The following FGD5 variants were observed in gnomAD, a reference collection of about 807,000 sequenced individuals.
The protein encoded by FGD5 is FYVE, RhoGEF and PH domain-containing protein 5.
A neutral mutation model predicts 133.4 loss-of-function variants in FGD5; 28 were observed. That is an observed-to-expected ratio of 0.21 (90% CI 0.16 to 0.29). The LOEUF (loss-of-function observed/expected upper bound fraction) is 0.29, where lower values mean the gene tolerates loss of function less well. FGD5 is among the 10% of genes least tolerant of loss of function. FGD5 has a pLI of 1.00. For missense variants in FGD5, 1,858 were observed against 1,895.2 expected (o/e 0.98, Z 0.36); for synonymous variants, 810 against 776.5 (o/e 1.04, Z -0.72).
chr3:14,900,613 C>T lies in FGD5; in HGVS notation c.3205+160C>T, dbSNP rs148701091. On this transcript the variant is annotated intron_variant, in intron 8 of 19. Coordinates refer to ENST00000285046, the MANE Select transcript of FGD5 (RefSeq NM_152536.4). Reference sequence around the variant, plus strand: ...CACATCTTGGACTTCTGTGAGAGCCCACAGCTCTTCTGAGATGGGTCCCCT... The same window carrying T: ...CACATCTTGGACTTCTGTGAGAGCCTACAGCTCTTCTGAGATGGGTCCCCT... 2.5e-3 allele frequency among the ~76,000 whole-genome samples: 384 copies of T among 152,230 alleles called. 1 individual carries two copies. The highest frequency in any genetic ancestry group is 8.8e-3 in the African/African-American group (367 of 41,534).
At chr3:14,897,835 G>C in intron 5 of FGD5, 104 bp from the exon 6 acceptor site, 1 of 1,508,106 alleles carries the variant, frequency 6.6e-7, no homozygotes, top group African/African-American at 1.4e-5. Context: ...CAAGGGTTGA[G>C]CTGGGATCTG....
intron 2 of FGD5, 136 bp downstream of exon 2, chr3:14,864,396 GAC>G: frequency 7.3e-7 from 1 of 1,378,112 alleles, no homozygotes; most frequent in South Asian, 1.3e-5. Flanking sequence ...CAGGGGCTGA[GAC>G]ACGCAGCATC....
In FGD5 at chr3:14,926,135, G is replaced by A. The variant is rs756085290; in HGVS notation, c.4134G>A (p.Arg1378=). 2.5e-6 allele frequency: 4 copies of A among 1,613,814 alleles called. No homozygotes were observed. The highest frequency in any genetic ancestry group is 3.4e-6 in the Non-Finnish European group (4 of 1,179,864). Residue 1378 remains arginine, a synonymous_variant, in exon 18 of 20, where the codon CGG becomes CGA. Coordinates refer to ENST00000285046, the MANE Select transcript of FGD5 (RefSeq NM_152536.4). ...TCAGCCGGTGTAAGAGGGGCAAGCG[G>A]CACTGGAAGAAGCTCTGGTTTGTCA... ...GYLSRCKRGK[R]HWKKLWFVIK...
intron 7 of FGD5, 134 bp from the exon 8 acceptor site, chr3:14,900,269 T>G: frequency 1.2e-6 from 1 of 827,610 alleles, no homozygotes; most frequent in Non-Finnish European, 2.0e-6. Context: ...TGTGGTATTG[T>G]GATGGGGCCA....
chr3:14,810,936 A>T, intron 1 of FGD5: 16 of 981,628 alleles, frequency 1.6e-5, no homozygotes, highest in Non-Finnish European at 1.9e-5. Flanking sequence ...TCCAAGTTGG[A>T]GCTCCCGGGG....
intron 2 of FGD5, among the ~76,000 whole-genome samples, chr3:14,876,065 G>A (rs1185984146): frequency 6.6e-6 from 1 of 152,152 alleles, no homozygotes; most frequent in Non-Finnish European, 1.5e-5. Flanking sequence ...ACGCAGAGAG[G>A]GGAGGCGACG....
chr3:14,835,544 C>T (rs2036801980), intron 1 of FGD5, among the ~76,000 whole-genome samples: 1 of 151,920 alleles, frequency 6.6e-6, no homozygotes, highest in Non-Finnish European at 1.5e-5. Flanking sequence ...CACTACAAAA[C>T]CCAGAAAGCT....
At chr3:14,822,234 CGT>C (rs561480134) in intron 1 of FGD5, among the ~76,000 whole-genome samples, 153 of 152,266 alleles carry the variant, frequency 1.0e-3, no homozygotes, top group African/African-American at 3.7e-3. Flanking sequence ...AGACAGTTCT[CGT>C]TATCTCCTAG....
chr3:14,930,128 G>C (rs564213604), intron 18 of FGD5, among the ~76,000 whole-genome samples: 1 of 152,258 alleles, frequency 6.6e-6, no homozygotes, highest in South Asian at 2.1e-4. Context: ...GATTGCTTCA[G>C]TGTCTTTGTT....
chr3:14,866,027 C>T (rs559820098), intron 2 of FGD5, among the ~76,000 whole-genome samples: 28 of 152,254 alleles, frequency 1.8e-4, no homozygotes, highest in African/African-American at 6.0e-4. Flanking sequence ...GGGTACTGGC[C>T]GCGAGAACGT....
At chr3:14,928,405 T>A (rs2038850222) in intron 18 of FGD5, among the ~76,000 whole-genome samples, 1 of 152,144 alleles carries the variant, frequency 6.6e-6, no homozygotes, top group Non-Finnish European at 1.5e-5. Flanking sequence ...TTATTATATT[T>A]ATTGTTTATA....
In FGD5 at chr3:14,904,886, T is replaced by C. The variant is rs542370464; in HGVS notation, c.3265-2754T>C. ...TCCCACTATTTTGCCCAGGCTGGTGTCAAGCAGTCCTCTTGCCTCAGCCTT... is the reference window on the plus strand; with the variant it reads ...TCCCACTATTTTGCCCAGGCTGGTGCCAAGCAGTCCTCTTGCCTCAGCCTT... On this transcript the variant is annotated intron_variant, in intron 9 of 19. Transcript: ENST00000285046. Among the ~76,000 whole-genome samples, 77 of 152,332 alleles carry C rather than the reference T, an allele frequency of 5.1e-4. 1 individual carries two copies. The highest frequency in any genetic ancestry group is 1.0e-3 in the Admixed American group (16 of 15,290).
intron 11 of FGD5, among the ~76,000 whole-genome samples, chr3:14,912,029 G>C (rs1407663334): frequency 6.6e-6 from 1 of 152,072 alleles, no homozygotes; most frequent in Non-Finnish European, 1.5e-5. Flanking sequence ...ATAGAGGCAT[G>C]AGGAGTGTGG....
intron 11 of FGD5, among the ~76,000 whole-genome samples, chr3:14,911,316 C>T (rs2038444548): frequency 6.6e-6 from 1 of 152,164 alleles, no homozygotes; most frequent in African/African-American, 2.4e-5. Context: ...ACTTTCTCTA[C>T]TGTGCAGGAG....
chr3:14,879,003 G>A (rs183408465), intron 2 of FGD5, among the ~76,000 whole-genome samples: 34 of 152,188 alleles, frequency 2.2e-4, no homozygotes, highest in African/African-American at 7.9e-4. Context: ...CACTGTGCCC[G>A]GCCTCAGAGC....
rs780959240 is a variant in FGD5 at position 14,900,295 on chromosome 3, T to TG, written c.3155-106dup. The TG allele has an allele frequency of 3.7e-5, 40 of 1,078,622 alleles. 1 individual carries two copies. Among genetic ancestry groups the TG allele is most frequent in the South Asian group, 3.7e-4 (27 of 73,614 alleles). The allele number at this position is 1,078,622 out of a possible 1,614,324, so 66.8% of individuals were successfully genotyped here. ...GATGGGGCCAGCAGGGGAGAGAGGG[T>TG]GGATGCTTCATTCTTCCAACTCTGG... On this transcript the variant is annotated intron_variant, in intron 7 of 19. Transcript: ENST00000285046.
At chr3:14,853,044 C>T (rs934723747) in intron 1 of FGD5, among the ~76,000 whole-genome samples, 7 of 148,926 alleles carry the variant, frequency 4.7e-5, no homozygotes, top group African/African-American at 1.7e-4. Context: ...GCCCAGATGA[C>T]GCAGGGTTTC....
intron 1 of FGD5, 113 bp from the exon 2 acceptor site, chr3:14,864,015 T>G: frequency 6.9e-7 from 1 of 1,459,574 alleles, no homozygotes; most frequent in Non-Finnish European, 9.3e-7. Flanking sequence ...ATTTTGTGCC[T>G]GAGTCTTACT....
intron 1 of FGD5, among the ~76,000 whole-genome samples, chr3:14,858,355 GTGGATGGATGGATGGA>G (rs61642170): frequency 2.3e-5 from 3 of 130,888 alleles, no homozygotes; most frequent in Non-Finnish European, 3.2e-5. Flanking sequence ...GGGTGGGTGG[GTGGATGGATGGATGGA>G]TGGATGGATG....
Sources: allele counts gnomAD v4.1 joint callset (sites outside exome capture counted in the v4.1 genomes callset), GRCh38; gene constraint gnomAD v4.1.1; transcripts MANE v1.5; gene names NCBI Gene and HGNC (gene_info 2026-07-23, HGNC 2026-07-21).